SLC12A7: variants seen among roughly 807,000 people sequenced by gnomAD.
SLC12A7 encodes the protein solute carrier family 12 member 7.
In SLC12A7, 100 loss-of-function variants were observed where a neutral mutation model predicts 120.6. The ratio of observed to expected loss-of-function variants is 0.83; its 90% CI spans 0.71 to 0.98. SLC12A7 has a LOEUF of 0.98. Ranked by LOEUF, SLC12A7 falls within the 50% of genes least tolerant of loss-of-function variation. The pLI, the probability that SLC12A7 is intolerant of heterozygous loss-of-function variation, is 0.00. For synonymous variants in SLC12A7, 760 were observed against 678.0 expected (o/e 1.12, Z -1.88); for missense variants, 1,373 against 1,548.1 (o/e 0.89, Z 1.90).
the SLC12A7 span, among the ~76,000 whole-genome samples, chr5:1,141,768 C>T: frequency 1.3e-5 from 2 of 152,230 alleles, no homozygotes; most frequent in Non-Finnish European, 2.9e-5. Context: ...GGAATAACTC[C>T]GTTGGTGCAG....
chr5:1,093,731 G>C, intron 2 of SLC12A7, 76 bp from the exon 3 acceptor site: 2 of 1,590,330 alleles, frequency 1.3e-6, no homozygotes. Context: ...CGTGTTCAGG[G>C]TGTGGAGCTC....
the SLC12A7 span, among the ~76,000 whole-genome samples, chr5:1,150,018 G>A: frequency 1.4e-4 from 22 of 152,268 alleles, no homozygotes; most frequent in South Asian, 1.0e-3. Context: ...CAACGAGAGC[G>A]AAACTCCACC....
In SLC12A7 at chr5:1,065,332, G is replaced by C. The variant is rs148955144; in HGVS notation, c.2388C>G (p.Pro796=). 7 of 1,600,676 alleles carry C rather than the reference G, an allele frequency of 4.4e-6. No homozygotes were observed. In the East Asian group the frequency reaches 1.1e-4, roughly 26 times the overall value. Residue 796 remains proline (P), a synonymous_variant, in exon 18 of 24, where the codon CCC becomes CCG. Transcript: ENST00000264930. ...LKHNTVLMAW[P]ASWKQEDNPF... Reference sequence around the variant, plus strand: ...GGTTGTCCTCCTGCTTCCAGGATGCGGGCCAGGCCATGAGCACCGTGTTGT... The same window carrying C: ...GGTTGTCCTCCTGCTTCCAGGATGCCGGCCAGGCCATGAGCACCGTGTTGT...
chr5:1,106,826 C>T (rs982981879), intron 1 of SLC12A7, among the ~76,000 whole-genome samples: 2 of 152,208 alleles, frequency 1.3e-5, no homozygotes, highest in African/African-American at 4.8e-5. Flanking sequence ...AGGCCTCCCT[C>T]ATATTTTAGG....
the SLC12A7 span, among the ~76,000 whole-genome samples, chr5:1,135,970 G>T: frequency 6.6e-6 from 1 of 152,186 alleles, no homozygotes; most frequent in African/African-American, 2.4e-5. Context: ...TCGGCCCTGC[G>T]GGGTGCAGGG....
At chr5:1,138,655 A>C in the SLC12A7 span, among the ~76,000 whole-genome samples, 1 of 152,218 alleles carries the variant, frequency 6.6e-6, no homozygotes, top group Non-Finnish European at 1.5e-5. Context: ...TTCTTTTCCA[A>C]ATAAGGTCAT....
chr5:1,075,538 C>T, intron 14 of SLC12A7, 48 bp from the exon 15 acceptor site: 1 of 1,579,028 alleles, frequency 6.3e-7, no homozygotes, highest in South Asian at 1.1e-5. Context: ...CATGCAGCCC[C>T]CACACCTCAG....
intron 17 of SLC12A7, among the ~76,000 whole-genome samples, chr5:1,069,067 C>T (rs532838399): frequency 2.0e-4 from 30 of 152,386 alleles, no homozygotes; most frequent in South Asian, 1.7e-3. Flanking sequence ...CCTAAATCCA[C>T]GGGTTCACAG....
At chr5:1,064,864 G>T (rs1453831631) in intron 18 of SLC12A7, among the ~76,000 whole-genome samples, 1 of 140,146 alleles carries the variant, frequency 7.1e-6, no homozygotes, top group Admixed American at 7.0e-5. Context: ...GACGGCGAGG[G>T]GACAGCGAGG....
At position 1,067,380 on chromosome 5, in the gene SLC12A7, C is replaced by T. The variant is rs530859344; in HGVS notation, c.2242-1902G>A. 7.9e-5 allele frequency among the ~76,000 whole-genome samples: 12 copies of T among 152,338 alleles called. No individual in the cohort carries two copies. The South Asian group carries it at 1.2e-3, about 16-fold the overall frequency. On this transcript the variant is annotated intron_variant, in intron 17 of 23. Transcript: ENST00000264930. ...GGCACAGGGAAGCACCCGCATCGGG[C>T]GTCATGTGGGAAGAAGGCAGGAAGT...
the SLC12A7 span, among the ~76,000 whole-genome samples, chr5:1,120,313 C>A: frequency 6.6e-6 from 1 of 152,254 alleles, no homozygotes; most frequent in Non-Finnish European, 1.5e-5. Flanking sequence ...AGGGCCCCCC[C>A]ACCGGCAGTG....
At chr5:1,097,894 C>A (rs896158346) in intron 1 of SLC12A7, among the ~76,000 whole-genome samples, 8 of 151,968 alleles carry the variant, frequency 5.3e-5, no homozygotes, top group Non-Finnish European at 8.8e-5. Context: ...GAGGCCACAG[C>A]AAGCGTGCTC....
intron 7 of SLC12A7, among the ~76,000 whole-genome samples, chr5:1,084,783 T>C (rs945067545): frequency 6.6e-6 from 1 of 152,136 alleles, no homozygotes; most frequent in Admixed American, 6.5e-5. Context: ...CTGCGGGCTC[T>C]GGTGGCCACT....
intron 14 of SLC12A7, 171 bp downstream of exon 14, chr5:1,075,967 C>T (rs1738281172): frequency 1.7e-6 from 1 of 594,320 alleles, no homozygotes; most frequent in Admixed American, 3.1e-5. Flanking sequence ...CGCAAAGGAA[C>T]AGTCAAGGAC....
At chr5:1,130,621 G>A in the SLC12A7 span, among the ~76,000 whole-genome samples, 3 of 151,690 alleles carry the variant, frequency 2.0e-5, no homozygotes, top group African/African-American at 4.8e-5. Context: ...TAGCCAGGGT[G>A]GGGGCAGCAG....
chr5:1,065,683 GAC>G (rs1736978870), intron 17 of SLC12A7, among the ~76,000 whole-genome samples: 1 of 152,156 alleles, frequency 6.6e-6, no homozygotes, highest in Non-Finnish European at 1.5e-5. Flanking sequence ...TGGGGAGAGA[GAC>G]ACAGAGCAGG....
chr5:1,137,586 C>T, the SLC12A7 span, among the ~76,000 whole-genome samples: 1 of 152,198 alleles, frequency 6.6e-6, no homozygotes, highest in African/African-American at 2.4e-5. Context: ...CACTGAATGA[C>T]CCCGTTCCCC....
At chr5:1,076,099 G>A in intron 14 of SLC12A7, 39 bp downstream of exon 14, 1 of 1,547,188 alleles carries the variant, frequency 6.5e-7, no homozygotes, top group African/African-American at 1.4e-5. Flanking sequence ...CAGTGTCCCA[G>A]CCTGTGGGGC....
intron 22 of SLC12A7, among the ~76,000 whole-genome samples, chr5:1,055,924 G>A (rs1735561211): frequency 6.6e-6 from 1 of 152,190 alleles, no homozygotes; most frequent in South Asian, 2.1e-4. Flanking sequence ...GGGAAGTGTG[G>A]CCACTCAGCC....
Sources: gnomAD v4.1 joint callset for allele counts (sites outside exome capture counted in the v4.1 genomes callset) on GRCh38, gnomAD v4.1.1 for gene constraint, MANE v1.5 for transcripts, NCBI Gene and HGNC (gene_info 2026-07-23, HGNC 2026-07-21) for gene names.